Variants in SNTG1 observed in about 807,000 individuals in gnomAD.
SNTG1 encodes the protein gamma-1-syntrophin.
In SNTG1, 39 loss-of-function variants were observed where a neutral mutation model predicts 74.7. The ratio of observed to expected loss-of-function variants is 0.52; its 90% CI spans 0.40 to 0.68. SNTG1 has a LOEUF of 0.68. Among genes scored for constraint, SNTG1 ranks in the 30% least tolerant of loss-of-function variants. The pLI, the probability that SNTG1 is intolerant of heterozygous loss-of-function variation, is 0.00. For missense variants in SNTG1, 685 were observed against 609.5 expected, an observed-to-expected ratio of 1.12 and a Z score of -1.30; for synonymous variants, 254 against 217.1, an observed-to-expected ratio of 1.17 and a Z score of -1.49.
At chr8:50,640,700 TG>T (rs2095067114) in intron 13 of SNTG1, among the ~76,000 whole-genome samples, 1 of 152,204 alleles carries the variant, frequency 6.6e-6, no homozygotes, top group Non-Finnish European at 1.5e-5. Flanking sequence ...GAATGTTTCC[TG>T]GCCTTTCTGC....
At chr8:50,559,453 AT>A (rs1429091226) in intron 12 of SNTG1, among the ~76,000 whole-genome samples, 3 of 152,174 alleles carry the variant, frequency 2.0e-5, no homozygotes, top group African/African-American at 7.2e-5. Flanking sequence ...TCATAAAAAA[AT>A]AAAAAAAGAA....
chr8:50,176,044 G>A (rs1419145124), intron 2 of SNTG1, among the ~76,000 whole-genome samples: 1 of 152,084 alleles, frequency 6.6e-6, no homozygotes, highest in African/African-American at 2.4e-5. Context: ...GCTAGAGGCG[G>A]CCCCAGGCTT....
chr8:50,471,244 AT>A (rs5891369), intron 8 of SNTG1, among the ~76,000 whole-genome samples: 25 of 147,516 alleles, frequency 1.7e-4, no homozygotes, highest in South Asian at 8.6e-4. Context: ...AAATCATATA[AT>A]TTTTTTTTTT....
At chr8:50,512,216 T>G (rs2094084765) in intron 9 of SNTG1, among the ~76,000 whole-genome samples, 1 of 152,160 alleles carries the variant, frequency 6.6e-6, no homozygotes, top group Non-Finnish European at 1.5e-5. Flanking sequence ...TTGAAAATTC[T>G]TTTCTTTAAG....
chr8:50,416,847 C>CA (rs2093020379), intron 4 of SNTG1, among the ~76,000 whole-genome samples: 1 of 122,916 alleles, frequency 8.1e-6, no homozygotes, highest in Non-Finnish European at 1.7e-5. Flanking sequence ...CATTACCCTG[C>CA]ATTAGAGCAA....
At chr8:50,239,125 A>C (rs2086053621) in intron 2 of SNTG1, among the ~76,000 whole-genome samples, 2 of 152,208 alleles carry the variant, frequency 1.3e-5, no homozygotes, top group African/African-American at 2.4e-5. Context: ...TCAACCCTGC[A>C]ATCACATTAC....
chr8:50,166,850 T>C (rs1418463786), intron 1 of SNTG1, among the ~76,000 whole-genome samples: 4 of 151,222 alleles, frequency 2.6e-5, no homozygotes, highest in Non-Finnish European at 4.4e-5. Context: ...TTATTCACAA[T>C]AGCAGCGACT....
At chr8:50,006,264 T>C (rs1205826275) in intron 1 of SNTG1, among the ~76,000 whole-genome samples, 2 of 152,182 alleles carry the variant, frequency 1.3e-5, no homozygotes, top group Non-Finnish European at 2.9e-5. Flanking sequence ...CCCGGCCTAG[T>C]AGCACTTTTT....
At chr8:50,156,643 G>A (rs2082264490) in intron 1 of SNTG1, among the ~76,000 whole-genome samples, 1 of 151,950 alleles carries the variant, frequency 6.6e-6, no homozygotes, top group South Asian at 2.1e-4. Flanking sequence ...TGGACAAAAT[G>A]TATCAAGAAT....
At chr8:50,467,382 G>A (rs1235149775) in intron 8 of SNTG1, among the ~76,000 whole-genome samples, 1 of 151,736 alleles carries the variant, frequency 6.6e-6, no homozygotes, top group African/African-American at 2.4e-5. Flanking sequence ...TCTTCTTGCG[G>A]AAATTTACCC....
At chr8:50,641,360 T>C (rs920122747) in intron 13 of SNTG1, among the ~76,000 whole-genome samples, 1 of 152,108 alleles carries the variant, frequency 6.6e-6, no homozygotes, top group Non-Finnish European at 1.5e-5. Flanking sequence ...ACTGAACACA[T>C]CTGCCCACTT....
At chr8:50,337,618 A>T (rs1037342151) in intron 2 of SNTG1, among the ~76,000 whole-genome samples, 1 of 152,140 alleles carries the variant, frequency 6.6e-6, no homozygotes, top group African/African-American at 2.4e-5. Flanking sequence ...CCCCTTGAAG[A>T]CCCCTCAAAC....
rs573858181 is a variant in SNTG1 at position 50,210,702 on chromosome 8, A to G, written c.-28+38067A>G. Among the ~76,000 whole-genome samples the G allele has an allele frequency of 4.6e-5, 7 of 152,282 alleles. No individual in the cohort carries two copies. The South Asian group carries it at 6.2e-4, about 14-fold the overall frequency. ...ATATTTTAATGACAATCCCCTCCTC[A>G]TTGGTACATAGTTAGATAATGATTA... On this transcript the variant is annotated intron_variant, in intron 2 of 18. Transcript: ENST00000642720.
chr8:50,636,829 G>T (rs2095042226), intron 13 of SNTG1, among the ~76,000 whole-genome samples: 1 of 152,164 alleles, frequency 6.6e-6, no homozygotes, highest in Non-Finnish European at 1.5e-5. Context: ...AATGGAAGCT[G>T]CTATTCAGCC....
intron 9 of SNTG1, among the ~76,000 whole-genome samples, chr8:50,528,756 C>A (rs1366283136): frequency 6.6e-6 from 1 of 151,520 alleles, no homozygotes; most frequent in Non-Finnish European, 1.5e-5. Context: ...AATGACCCCT[C>A]CTTCATTCCT....
chr8:50,746,871 T>C (rs543960255), intron 17 of SNTG1, among the ~76,000 whole-genome samples: 137 of 147,780 alleles, frequency 9.3e-4, no homozygotes, highest in Non-Finnish European at 1.6e-3. Flanking sequence ...ATATATATAA[T>C]ATATATTATA....
rs1210451599 is a variant in SNTG1 at position 50,113,115 on chromosome 8, G to C, written c.-102-59446G>C. Among the ~76,000 whole-genome samples the C allele has an allele frequency of 3.9e-5, 6 of 152,036 alleles. No homozygotes were observed. The East Asian group carries it at 1.2e-3, about 29-fold the overall frequency. ...TTGGTTCCATATGAATTTTAAAGTA[G>C]TTTTTTTCCAATTCTGTGAAGAAAG... is the stretch of plus-strand genomic sequence containing the variant. On this transcript the variant is annotated intron_variant, in intron 1 of 18. Coordinates refer to ENST00000642720, the MANE Select transcript of SNTG1 (RefSeq NM_018967.5).
chr8:50,184,357 G>T (rs1389967598), intron 2 of SNTG1, among the ~76,000 whole-genome samples: 1 of 151,918 alleles, frequency 6.6e-6, no homozygotes, highest in Non-Finnish European at 1.5e-5. Flanking sequence ...GTAGAGACAG[G>T]GTTTCACCAT....
intron 1 of SNTG1, among the ~76,000 whole-genome samples, chr8:50,116,522 A>T (rs2080827464): frequency 6.6e-6 from 1 of 152,154 alleles, no homozygotes; most frequent in South Asian, 2.1e-4. Context: ...TAAAATTCTC[A>T]CCCACTTCTC....
Sources: gnomAD v4.1 joint callset for allele counts (sites outside exome capture counted in the v4.1 genomes callset) on GRCh38, gnomAD v4.1.1 for gene constraint, MANE v1.5 for transcripts, NCBI Gene and HGNC (gene_info 2026-07-23, HGNC 2026-07-21) for gene names.